The following MED13L variants were observed in gnomAD, a reference collection of about 807,000 sequenced individuals.
The protein encoded by MED13L is mediator complex subunit 13L.
In MED13L, 7 loss-of-function variants were observed where a neutral mutation model predicts 220.9. The ratio of observed to expected loss-of-function variants is 0.03; its 90% confidence interval spans 0.02 to 0.06. The LOEUF (loss-of-function observed/expected upper bound fraction) is 0.06, where lower values mean the gene tolerates loss of function less well. MED13L is among the 10% of genes least tolerant of loss of function. The pLI, the probability that MED13L is intolerant of heterozygous loss-of-function variation, is 1.00. For missense variants in MED13L, 1,965 were observed against 2,760.5 expected (o/e 0.71, Z 6.46); for synonymous variants, 1,011 against 1,015.2 (o/e 1.00, Z 0.08).
chr12:116,065,061 ATTT>A (rs972496196), intron 4 of MED13L, among the ~76,000 whole-genome samples: 2 of 152,208 alleles, frequency 1.3e-5, no homozygotes, highest in African/African-American at 2.4e-5. Flanking sequence ...AATGGTATAT[ATTT>A]TTTATTTATA....
At chr12:116,242,852 T>C (rs889928507) in intron 1 of MED13L, among the ~76,000 whole-genome samples, 1 of 152,226 alleles carries the variant, frequency 6.6e-6, no homozygotes, top group Admixed American at 6.5e-5. Flanking sequence ...ATAAATTCTT[T>C]CCATTCTGCC....
intron 4 of MED13L, among the ~76,000 whole-genome samples, chr12:116,030,280 G>T (rs1042010360): frequency 8.7e-5 from 13 of 149,156 alleles, no homozygotes; most frequent in African/African-American, 3.0e-4. Context: ...GAAATCAACA[G>T]TTTTTTTTTT....
At chr12:116,120,511 A>C (rs1461726282) in intron 2 of MED13L, among the ~76,000 whole-genome samples, 4 of 150,432 alleles carry the variant, frequency 2.7e-5, no homozygotes, top group Non-Finnish European at 5.9e-5. Context: ...ACACACACAC[A>C]CACACACACA....
At position 116,008,354 on chromosome 12, in the gene MED13L, C is replaced by G. The variant is rs201563492; in HGVS notation, c.2012+47G>C. 9.6e-5 allele frequency: 150 copies of G among 1,565,650 alleles called. No individual in the cohort carries two copies. In the East Asian group the frequency reaches 2.8e-3, roughly 29 times the overall value. ...TAGCAGGTAGAGATGGGGAGGGAGC[C>G]CATGCCCTTCCGGTGGACGGGTGGG... On this transcript the variant is annotated intron_variant, in intron 10 of 30. Transcript: ENST00000281928.
intron 1 of MED13L, among the ~76,000 whole-genome samples, chr12:116,244,506 G>A (rs935110783): frequency 1.3e-5 from 2 of 152,180 alleles, no homozygotes; most frequent in Admixed American, 6.5e-5. Flanking sequence ...TTTACAATAC[G>A]TAAGAAAACT....
At chr12:116,174,857 G>T (rs1879933146) in intron 2 of MED13L, 1 of 152,318 alleles carries the variant, frequency 6.6e-6, no homozygotes, top group African/African-American at 2.4e-5. Flanking sequence ...CTTAAGCCCA[G>T]GAGTTGGAGA....
chr12:116,092,525 A>T (rs960081788), intron 4 of MED13L, among the ~76,000 whole-genome samples: 1 of 152,220 alleles, frequency 6.6e-6, no homozygotes, highest in Non-Finnish European at 1.5e-5. Context: ...AAAGGAAGGG[A>T]AAGTTTCAAA....
intron 2 of MED13L, among the ~76,000 whole-genome samples, chr12:116,193,458 G>C (rs1416157531): frequency 6.6e-6 from 1 of 152,082 alleles, no homozygotes; most frequent in African/African-American, 2.4e-5. Context: ...TATCAACTGA[G>C]AATAGGTCTA....
rs57622950 is a variant in MED13L, at chr12:116,119,809, TAA to T, written c.311-8299_311-8298del. On this transcript the variant is annotated intron_variant, in intron 2 of 30. Coordinates refer to ENST00000281928, the MANE Select transcript of MED13L (RefSeq NM_015335.5). Reference sequence around the variant, plus strand: ...GCAAGAGAGAAAGACCCCATATCTTTAAAAAAAAAAAAAAAAAAAAAAAAAAA... The same window carrying T: ...GCAAGAGAGAAAGACCCCATATCTTTAAAAAAAAAAAAAAAAAAAAAAAAA... Among the ~76,000 whole-genome samples the T allele has an allele frequency of 9.0e-3, 346 of 38,628 alleles. 3 individuals are homozygous for T. Among genetic ancestry groups the T allele is most frequent in the South Asian group, 0.015 (14 of 938 alleles). The allele number at this position is 38,628 out of a possible 152,430, so 25.3% of individuals were successfully genotyped here. A position where few individuals can be genotyped will look rare whatever the true frequency, so the allele number is the denominator to read the frequency against.
chr12:115,975,123 A>G (rs1565987355), intron 25 of MED13L, 48 bp downstream of exon 25: 1 of 1,571,326 alleles, frequency 6.4e-7, no homozygotes, highest in Admixed American at 1.7e-5. Flanking sequence ...ACAATAGCTG[A>G]GCCCTTTTCC....
At chr12:115,963,264 C>G in intron 30 of MED13L, 143 bp downstream of exon 30, 1 of 731,278 alleles carries the variant, frequency 1.4e-6, no homozygotes, top group Non-Finnish European at 2.5e-6. Context: ...GACTGCAGCT[C>G]TCACTGACTC....
Position 115,982,536 on chromosome 12 carries a change from G to A in MED13L, c.5023C>T (p.Pro1675Ser). 1 of 1,614,142 alleles carries A rather than the reference G, an allele frequency of 6.2e-7. No homozygotes were observed. Among genetic ancestry groups the A allele is most frequent in the Non-Finnish European group, 8.5e-7 (1 of 1,180,018 alleles). The change falls in exon 22 of 31, where the codon CCA (proline) becomes TCA (serine). Residue 1675 changes from proline (P) to serine (S), a missense_variant. Transcript: ENST00000281928. ...PDSADSHAHP[P>S]AVVIYMVDPF... ...TCCACCATGTAAATGACAACAGCTG[G>A]AGGGTGGGCATGGCTGTCTGCAGAG...
intron 2 of MED13L, among the ~76,000 whole-genome samples, chr12:116,160,903 C>T (rs893033488): frequency 6.6e-6 from 1 of 152,030 alleles, no homozygotes; most frequent in African/African-American, 2.4e-5. Context: ...GCTAAAGCCT[C>T]CAGTATAAAT....
chr12:116,113,053 G>A (rs1207503152), intron 2 of MED13L, among the ~76,000 whole-genome samples: 2 of 152,086 alleles, frequency 1.3e-5, no homozygotes, highest in African/African-American at 4.8e-5. Flanking sequence ...TTGAGTCCTA[G>A]TCATCACATT....
At chr12:116,081,579 C>A (rs1341264710) in intron 4 of MED13L, among the ~76,000 whole-genome samples, 1 of 152,180 alleles carries the variant, frequency 6.6e-6, no homozygotes, top group Non-Finnish European at 1.5e-5. Context: ...TCAACATTTT[C>A]TAACATTTAA....
chr12:116,132,032 A>G (rs1433727368), intron 2 of MED13L, among the ~76,000 whole-genome samples: 1 of 152,108 alleles, frequency 6.6e-6, no homozygotes, highest in Non-Finnish European at 1.5e-5. Context: ...TAATCCCAAC[A>G]CTGTGGGAGG....
intron 2 of MED13L, among the ~76,000 whole-genome samples, chr12:116,120,059 T>C (rs1221592298): frequency 6.6e-6 from 1 of 151,964 alleles, no homozygotes; most frequent in Non-Finnish European, 1.5e-5. Context: ...ACTTCTCGGA[T>C]ATTCATAAAC....
chr12:116,009,181 TTC>T (rs1879239606), intron 9 of MED13L, 49 bp from the exon 10 acceptor site: 1 of 1,606,298 alleles, frequency 6.2e-7, no homozygotes, highest in Non-Finnish European at 8.5e-7. Context: ...AGAAAAGAGA[TTC>T]TCTGACAAAA....
chr12:116,050,741 A>G (rs919228107), intron 4 of MED13L, among the ~76,000 whole-genome samples: 4 of 152,202 alleles, frequency 2.6e-5, no homozygotes, highest in Non-Finnish European at 5.9e-5. Context: ...GTTCGCAACC[A>G]GACTAGCCAA....
Sources: gnomAD v4.1 joint callset for allele counts (sites outside exome capture counted in the v4.1 genomes callset) on GRCh38, gnomAD v4.1.1 for gene constraint, MANE v1.5 for transcripts, NCBI Gene and HGNC (gene_info 2026-07-23, HGNC 2026-07-21) for gene names.